MMS22L: variants seen among roughly 807,000 people sequenced by gnomAD.
MMS22L encodes the protein protein MMS22-like.
Under a neutral mutation model 159.1 loss-of-function variants are expected in MMS22L, and 74 were observed. The observed-to-expected ratio is 0.47, with a 90% CI of 0.39 to 0.56. The LOEUF is 0.56. Ranked by LOEUF, MMS22L falls within the 20% of genes least tolerant of loss-of-function variation. The pLI is 0.00. For synonymous variants in MMS22L, 517 were observed against 506.9 expected (o/e 1.02, Z -0.27); for missense variants, 1,351 against 1,422.1 (o/e 0.95, Z 0.80).
Position 97,229,199 on chromosome 6 carries a change from G to A in MMS22L, c.1734C>T (p.Leu578=). 1 of 1,614,054 alleles carries A rather than the reference G, an allele frequency of 6.2e-7. No individual in the cohort carries two copies. ...CCAGATTTTTCTGGGCATACATCAA[G>A]AGGAAGGCCATGTGACCCTTCCAAA... ...ALIWKGHMAF[L]LMYAQKNLDI... Residue 578 remains leucine, a synonymous_variant, in exon 14 of 25, where the codon CTC becomes CTT. Coordinates refer to ENST00000683635, the MANE Select transcript of MMS22L (RefSeq NM_001350599.2).
At chr6:97,280,016 T>A (rs1487272095) in intron 3 of MMS22L, among the ~76,000 whole-genome samples, 2 of 152,144 alleles carry the variant, frequency 1.3e-5, no homozygotes, top group Non-Finnish European at 2.9e-5. Context: ...TAACCCATAT[T>A]TATAACCTAT....
At chr6:97,262,124 G>A (rs1814540312) in intron 9 of MMS22L, 1 of 152,042 alleles carries the variant, frequency 6.6e-6, no homozygotes, top group Admixed American at 6.5e-5. Flanking sequence ...GTAGTTGTAG[G>A]CTACCAACTT....
chr6:97,165,435 T>C lies in MMS22L; in HGVS notation c.3032A>G (p.Gln1011Arg). The change falls in exon 21 of 25, where the codon CAA (glutamine) becomes CGA (arginine). Residue 1011 changes from glutamine (Q) to arginine (R), a missense_variant. Coordinates refer to ENST00000683635, the MANE Select transcript of MMS22L (RefSeq NM_001350599.2). The part of the protein sequence containing the change: ...YLQGMCIVCC[Q>R]SQNPNAYLNQ... ...CAAATAGGCATTCGGATTTTGAGATTGACAACACACGATACACATGCCCTA... is the reference window on the plus strand; with the variant it reads ...CAAATAGGCATTCGGATTTTGAGATCGACAACACACGATACACATGCCCTA... The C allele has an allele frequency of 1.9e-6, 3 of 1,612,538 alleles. No homozygotes were observed. Among genetic ancestry groups the C allele is most frequent in the Non-Finnish European group, 2.5e-6 (3 of 1,179,362 alleles).
chr6:97,197,379 T>C (rs1019017610), intron 14 of MMS22L, among the ~76,000 whole-genome samples: 7 of 152,160 alleles, frequency 4.6e-5, no homozygotes, highest in Non-Finnish European at 7.4e-5. Flanking sequence ...GGGGAGATTA[T>C]GGCTGAATAT....
chr6:97,232,413 G>A (rs1340674320), intron 12 of MMS22L, among the ~76,000 whole-genome samples: 1 of 152,018 alleles, frequency 6.6e-6, no homozygotes, highest in African/African-American at 2.4e-5. Flanking sequence ...CTAAAATATA[G>A]TTTGTATTTT....
intron 14 of MMS22L, among the ~76,000 whole-genome samples, chr6:97,222,634 C>T (rs1488468565): frequency 6.6e-6 from 1 of 151,948 alleles, no homozygotes; most frequent in Non-Finnish European, 1.5e-5. Flanking sequence ...TTTTAAACTC[C>T]AAATGGTATT....
chr6:97,246,203 A>G (rs1414958076), intron 11 of MMS22L: 1 of 446,958 alleles, frequency 2.2e-6, no homozygotes, highest in Non-Finnish European at 4.4e-6. Context: ...GTCAGAAACT[A>G]GGACCTTATC....
chr6:97,231,370 G>T (rs751873737), intron 13 of MMS22L, 56 bp downstream of exon 13: 53 of 1,262,882 alleles, frequency 4.2e-5, no homozygotes, highest in Non-Finnish European at 6.1e-5. Context: ...AATACAAATA[G>T]TAACACCTAT....
At chr6:97,222,107 C>T (rs1204149391) in intron 14 of MMS22L, among the ~76,000 whole-genome samples, 3 of 151,990 alleles carry the variant, frequency 2.0e-5, no homozygotes, top group Admixed American at 2.0e-4. Context: ...AGGCAATCCC[C>T]AGTTCTCTTA....
At chr6:97,207,738 T>C (rs1807937443) in intron 14 of MMS22L, among the ~76,000 whole-genome samples, 1 of 152,192 alleles carries the variant, frequency 6.6e-6, no homozygotes, top group Non-Finnish European at 1.5e-5. Context: ...GTCAACTTGC[T>C]GAAGGAGTAC....
intron 14 of MMS22L, among the ~76,000 whole-genome samples, chr6:97,191,968 G>C (rs1474462227): frequency 2.0e-5 from 3 of 152,166 alleles, no homozygotes; most frequent in Non-Finnish European, 2.9e-5. Context: ...TAGGTATGAA[G>C]AGACTTTTAC....
intron 10 of MMS22L, among the ~76,000 whole-genome samples, chr6:97,249,529 T>C (rs1813017450): frequency 6.6e-6 from 1 of 152,166 alleles, no homozygotes; most frequent in African/African-American, 2.4e-5. Flanking sequence ...AAGCTCATTT[T>C]CTTCTATCAA....
chr6:97,238,150 A>T (rs77619628), intron 11 of MMS22L, among the ~76,000 whole-genome samples: 1 of 152,200 alleles, frequency 6.6e-6, no homozygotes, highest in Non-Finnish European at 1.5e-5. Flanking sequence ...CTCAGTCTGT[A>T]AAAGTATAAA....
At chr6:97,160,462 A>T (rs1234273688) in intron 22 of MMS22L, among the ~76,000 whole-genome samples, 1 of 152,036 alleles carries the variant, frequency 6.6e-6, no homozygotes, top group East Asian at 1.9e-4. Context: ...GTTTCCTCTG[A>T]GAAGTCAGCT....
At chr6:97,225,718 A>C (rs955208292) in intron 14 of MMS22L, among the ~76,000 whole-genome samples, 1 of 151,762 alleles carries the variant, frequency 6.6e-6, no homozygotes, top group African/African-American at 2.4e-5. Context: ...GACTACAGGC[A>C]CCCGCCACCA....
intron 12 of MMS22L, among the ~76,000 whole-genome samples, chr6:97,233,491 T>C (rs1194599978): frequency 6.6e-6 from 1 of 152,148 alleles, no homozygotes; most frequent in Non-Finnish European, 1.5e-5. Context: ...CACCCACTAG[T>C]AGCCTATAAG....
chr6:97,161,944 C>T, intron 22 of MMS22L, 58 bp downstream of exon 22: 1 of 1,506,194 alleles, frequency 6.6e-7, no homozygotes, highest in Non-Finnish European at 9.1e-7. Flanking sequence ...TGAGGGGAAA[C>T]AGTAGTTTCT....
In MMS22L at chr6:97,253,039, C is replaced by T. The variant is rs561902298; in HGVS notation, c.1119+1518G>A. Among the ~76,000 whole-genome samples, 33 of 152,220 alleles carry T rather than the reference C, an allele frequency of 2.2e-4. No individual in the cohort carries two copies. The South Asian group carries it at 5.2e-3, about 24-fold the overall frequency. ...ATCATGGATACAAACAAAAAACATACAATTCTTTTCTGTGAGAAGTTCATT... is the reference window on the plus strand; with the variant it reads ...ATCATGGATACAAACAAAAAACATATAATTCTTTTCTGTGAGAAGTTCATT... On this transcript the variant is annotated intron_variant, in intron 10 of 24. Transcript: ENST00000683635.
At chr6:97,173,030 T>C in intron 19 of MMS22L, 33 bp downstream of exon 19, 1 of 1,597,910 alleles carries the variant, frequency 6.3e-7, no homozygotes. Context: ...CCTAAGGAAA[T>C]GTTACTAGCA....
Sources: gnomAD v4.1 joint callset for allele counts (sites outside exome capture counted in the v4.1 genomes callset) on GRCh38, gnomAD v4.1.1 for gene constraint, MANE v1.5 for transcripts, NCBI Gene and HGNC (gene_info 2026-07-23, HGNC 2026-07-21) for gene names.